EPHA7: variants seen among roughly 807,000 people sequenced by gnomAD.
EPHA7 encodes EPH receptor A7, also known as ephrin type-A receptor 7.
A neutral mutation model predicts 112.6 loss-of-function variants in EPHA7; 25 were observed. The ratio of observed to expected loss-of-function variants is 0.22; its 90% CI spans 0.16 to 0.31. The LOEUF (loss-of-function observed/expected upper bound fraction) is 0.31. EPHA7 is among the 10% of genes least tolerant of loss of function. EPHA7 has a pLI of 1.00. For missense variants in EPHA7, 962 were observed against 1,212.6 expected (o/e 0.79, Z 3.07); for synonymous variants, 437 against 406.5 (o/e 1.07, Z -0.90).
intron 5 of EPHA7, among the ~76,000 whole-genome samples, chr6:93,308,965 A>T (rs1240224921): frequency 7.0e-6 from 1 of 141,930 alleles, no homozygotes; most frequent in Admixed American, 6.8e-5. Flanking sequence ...TTTTTTTTTT[A>T]AACTACAGAG....
intron 3 of EPHA7, among the ~76,000 whole-genome samples, chr6:93,406,560 T>C (rs1044165528): frequency 4.5e-4 from 68 of 151,846 alleles, no homozygotes; most frequent in African/African-American, 1.6e-3. Flanking sequence ...TCTTATCCAA[T>C]TTTGTTACTT....
chr6:93,397,867 T>A (rs1457851493), intron 3 of EPHA7, among the ~76,000 whole-genome samples: 2 of 152,002 alleles, frequency 1.3e-5, no homozygotes, highest in Non-Finnish European at 2.9e-5. Flanking sequence ...AATAAAAAAG[T>A]GTGCTTAATG....
intron 5 of EPHA7, among the ~76,000 whole-genome samples, chr6:93,325,403 A>G (rs1774270044): frequency 6.6e-6 from 1 of 151,340 alleles, no homozygotes; most frequent in African/African-American, 2.4e-5. Context: ...TACATAATAT[A>G]GGCCAAACCA....
chr6:93,400,160 G>C (rs562174000), intron 3 of EPHA7, among the ~76,000 whole-genome samples: 78 of 152,036 alleles, frequency 5.1e-4, no homozygotes, highest in Middle Eastern at 6.8e-3. Context: ...ATTTTACTGG[G>C]ATAAATGTAG....
At chr6:93,283,804 C>T (rs1447290746) in intron 5 of EPHA7, among the ~76,000 whole-genome samples, 33 of 152,166 alleles carry the variant, frequency 2.2e-4, no homozygotes, top group Admixed American at 2.2e-3. Flanking sequence ...CCCCCCAATT[C>T]CGGACACAGT....
chr6:93,337,747 G>C (rs1774945493), intron 5 of EPHA7, among the ~76,000 whole-genome samples: 1 of 152,150 alleles, frequency 6.6e-6, no homozygotes, highest in Non-Finnish European at 1.5e-5. Context: ...ACCTCAGAAA[G>C]AGAAGTAAGT....
intron 5 of EPHA7, among the ~76,000 whole-genome samples, chr6:93,343,690 A>G (rs1455881360): frequency 6.6e-6 from 1 of 151,686 alleles, no homozygotes; most frequent in Non-Finnish European, 1.5e-5. Context: ...GTCCAGAAAA[A>G]TGGTCGAAAA....
intron 5 of EPHA7, among the ~76,000 whole-genome samples, chr6:93,277,230 C>T (rs1158928216): frequency 6.6e-6 from 1 of 151,974 alleles, no homozygotes; most frequent in Non-Finnish European, 1.5e-5. Context: ...TTAGCTTTCT[C>T]ACTCTTCCCC....
At chr6:93,252,123 A>G (rs1770243594) in intron 14 of EPHA7, among the ~76,000 whole-genome samples, 2 of 85,224 alleles carry the variant, frequency 2.3e-5, no homozygotes, top group Non-Finnish European at 5.9e-5. Flanking sequence ...TTTCTCACTC[A>G]TTAGCTTCTA....
intron 5 of EPHA7, among the ~76,000 whole-genome samples, chr6:93,287,433 C>T (rs1421346877): frequency 6.6e-6 from 1 of 151,876 alleles, no homozygotes; most frequent in African/African-American, 2.4e-5. Context: ...TTCTTGGACT[C>T]TCAGTAGCAT....
intron 14 of EPHA7, among the ~76,000 whole-genome samples, chr6:93,249,642 C>T (rs1198569588): frequency 6.6e-6 from 1 of 151,976 alleles, no homozygotes; most frequent in African/African-American, 2.4e-5. Context: ...TAATTCAGTC[C>T]TCATTATTTC....
Position 93,258,287 on chromosome 6 carries a change from G to A in EPHA7, c.1925-3C>T. ...ACTGCAGACTTCACCGAATTCTCCTGAAGTAACAGAACAAGCAGGCATATT... is the reference window on the plus strand; with the variant it reads ...ACTGCAGACTTCACCGAATTCTCCTAAAGTAACAGAACAAGCAGGCATATT... On this transcript the variant is annotated splice_region_variant and splice_polypyrimidine_tract_variant and intron_variant, in intron 10 of 16. Coordinates refer to ENST00000369303, the MANE Select transcript of EPHA7 (RefSeq NM_004440.4). 6.4e-7 allele frequency: 1 copy of A among 1,570,614 alleles called. No individual in the cohort carries two copies. Among genetic ancestry groups the A allele is most frequent in the Non-Finnish European group, 8.6e-7 (1 of 1,158,232 alleles).
intron 5 of EPHA7, among the ~76,000 whole-genome samples, chr6:93,337,565 T>A (rs1222709985): frequency 6.6e-6 from 1 of 152,114 alleles, no homozygotes; most frequent in Non-Finnish European, 1.5e-5. Context: ...TAAAAGAAAC[T>A]CACTCAGATT....
intron 3 of EPHA7, among the ~76,000 whole-genome samples, chr6:93,402,069 C>G (rs1778459705): frequency 6.6e-6 from 1 of 151,964 alleles, no homozygotes; most frequent in Non-Finnish European, 1.5e-5. Context: ...AAAAGACTGA[C>G]CATATACTTC....
At chr6:93,394,310 A>G (rs931442845) in intron 3 of EPHA7, among the ~76,000 whole-genome samples, 3 of 151,738 alleles carry the variant, frequency 2.0e-5, no homozygotes, top group South Asian at 2.1e-4. Context: ...TATATATATC[A>G]TAACTAAATC....
intron 12 of EPHA7, among the ~76,000 whole-genome samples, 179 bp from the exon 13 acceptor site, chr6:93,256,216 A>C (rs1770435134): frequency 6.6e-6 from 1 of 152,180 alleles, no homozygotes; most frequent in Non-Finnish European, 1.5e-5. Context: ...ACAGCCAAAT[A>C]AGATAATTTT....
At chr6:93,372,008 A>AT (rs879729461) in intron 3 of EPHA7, among the ~76,000 whole-genome samples, 8 of 151,948 alleles carry the variant, frequency 5.3e-5, no homozygotes, top group Non-Finnish European at 1.5e-5. Flanking sequence ...TTTAGAATCA[A>AT]TTTTTTTTCA....
At chr6:93,330,345 T>A (rs1473593689) in intron 5 of EPHA7, among the ~76,000 whole-genome samples, 1 of 151,260 alleles carries the variant, frequency 6.6e-6, no homozygotes, top group Non-Finnish European at 1.5e-5. Flanking sequence ...TAAAATAAAT[T>A]ATTGTTAACT....
At chr6:93,353,831 G>A (rs1775812859) in intron 5 of EPHA7, among the ~76,000 whole-genome samples, 1 of 151,654 alleles carries the variant, frequency 6.6e-6, no homozygotes, top group Non-Finnish European at 1.5e-5. Flanking sequence ...TGATACCAAT[G>A]GCCCTATTCT....
Sources: gnomAD v4.1 joint callset for allele counts (sites outside exome capture counted in the v4.1 genomes callset) on GRCh38, gnomAD v4.1.1 for gene constraint, MANE v1.5 for transcripts, NCBI Gene and HGNC (gene_info 2026-07-23, HGNC 2026-07-21) for gene names.